The following GSG1L variants were observed in gnomAD, a reference collection of about 807,000 sequenced individuals.
The protein encoded by GSG1L is GSG1 like.
In GSG1L, 24 loss-of-function variants were observed where a neutral mutation model predicts 42.1. That is an observed-to-expected ratio of 0.57 (90% CI 0.41 to 0.80). The LOEUF (loss-of-function observed/expected upper bound fraction) is 0.80. Among genes scored for constraint, GSG1L ranks in the 30% least tolerant of loss-of-function variants. The pLI, the probability that GSG1L is intolerant of heterozygous loss-of-function variation, is 0.00. For synonymous variants in GSG1L, 215 were observed against 203.5 expected (o/e 1.06, Z -0.48); for missense variants, 445 against 472.2 (o/e 0.94, Z 0.53).
Position 27,946,549 on chromosome 16 carries a change from A to AAAAGAAAGAAAG in GSG1L, c.397+16595_397+16606dup, listed in dbSNP as rs201856072. Among the ~76,000 whole-genome samples the AAAAGAAAGAAAG allele has an allele frequency of 6.1e-3, 316 of 51,942 alleles. 10 individuals carry two copies. Among genetic ancestry groups the AAAAGAAAGAAAG allele is most frequent in the South Asian group, 0.013 (16 of 1,276 alleles). The allele number at this position is 51,942 out of a possible 152,430, so 34.1% of individuals were successfully genotyped here. ...CACAGAGCAAGACTCTGTCTCAAAA[A>AAAAGAAAGAAAG]AAAGAAAGAAAGAAAGAAAGAAAGA... On this transcript the variant is annotated intron_variant, in intron 2 of 6. Coordinates refer to ENST00000447459, the MANE Select transcript of GSG1L (RefSeq NM_001109763.2).
chr16:28,045,730 G>A (rs758320039), intron 1 of GSG1L, among the ~76,000 whole-genome samples: 2 of 151,444 alleles, frequency 1.3e-5, no homozygotes, highest in Non-Finnish European at 2.9e-5. Context: ...CAAGTACCAG[G>A]CCAATTAAAA....
At chr16:27,947,473 G>C (rs1187857094) in intron 2 of GSG1L, among the ~76,000 whole-genome samples, 2 of 147,014 alleles carry the variant, frequency 1.4e-5, no homozygotes, top group Non-Finnish European at 3.0e-5. Context: ...AGGGAGAAGA[G>C]AAAGAAAGGA....
At chr16:27,935,424 C>T (rs759565272) in intron 2 of GSG1L, among the ~76,000 whole-genome samples, 2 of 152,184 alleles carry the variant, frequency 1.3e-5, no homozygotes, top group African/African-American at 4.8e-5. Context: ...GGGCTCTTGA[C>T]ACCTTGCATT....
At chr16:27,837,545 G>A (rs1274737962) in intron 4 of GSG1L, among the ~76,000 whole-genome samples, 1 of 152,218 alleles carries the variant, frequency 6.6e-6, no homozygotes, top group East Asian at 1.9e-4. Context: ...ACCATGGGGA[G>A]GGAGATGTTC....
chr16:27,959,163 T>C lies in GSG1L; in HGVS notation c.397+3993A>G, dbSNP rs117069763. Among the ~76,000 whole-genome samples the C allele has an allele frequency of 3.8e-4, 57 of 148,416 alleles. No homozygotes were observed. The East Asian group carries it at 6.1e-3, about 16-fold the overall frequency. ...TGGGGTTTCCTAGGTAGCTTCAGGA[T>C]AGGGGTTCACTTGACCAGGTGCAGT... is the stretch of plus-strand genomic sequence containing the variant. On this transcript the variant is annotated intron_variant, in intron 2 of 6. Coordinates refer to ENST00000447459, the MANE Select transcript of GSG1L (RefSeq NM_001109763.2).
At chr16:28,010,181 A>G (rs1368066099) in intron 1 of GSG1L, among the ~76,000 whole-genome samples, 2 of 152,172 alleles carry the variant, frequency 1.3e-5, no homozygotes, top group Non-Finnish European at 2.9e-5. Flanking sequence ...GCACTGTGCA[A>G]TGGAACCTCC....
intron 3 of GSG1L, among the ~76,000 whole-genome samples, chr16:27,848,337 T>C (rs890314475): frequency 3.3e-5 from 5 of 152,108 alleles, no homozygotes; most frequent in African/African-American, 9.7e-5. Context: ...TGAGCAGTGA[T>C]TGAGAGGTGC....
intron 2 of GSG1L, among the ~76,000 whole-genome samples, chr16:27,911,825 G>A (rs539729396): frequency 6.6e-6 from 1 of 152,004 alleles, no homozygotes; most frequent in African/African-American, 2.4e-5. Flanking sequence ...CCTCAGCCCC[G>A]CTTTACTTTT....
intron 2 of GSG1L, among the ~76,000 whole-genome samples, chr16:27,947,589 GAAAGAAAGAAAA>G (rs1174055732): frequency 5.6e-4 from 62 of 111,242 alleles, no homozygotes; most frequent in African/African-American, 1.8e-3. Flanking sequence ...AAGAAAGAAA[GAAAGAAAGAAAA>G]AGAAAGAAAG....
chr16:27,922,221 C>T (rs4788007), intron 2 of GSG1L, among the ~76,000 whole-genome samples: 55,108 of 151,624 alleles, frequency 0.36, 10,159 homozygotes, highest in East Asian at 0.44. Flanking sequence ...GCCTCAAGAA[C>T]GTCAAAACTG....
chr16:28,042,604 T>C (rs575703485), intron 1 of GSG1L, among the ~76,000 whole-genome samples: 1 of 152,106 alleles, frequency 6.6e-6, no homozygotes, highest in Non-Finnish European at 1.5e-5. Context: ...ACTCTATTTA[T>C]GAGCAAAGGG....
At chr16:28,007,721 G>C (rs908070956) in intron 1 of GSG1L, among the ~76,000 whole-genome samples, 5 of 151,958 alleles carry the variant, frequency 3.3e-5, no homozygotes, top group Non-Finnish European at 5.9e-5. Flanking sequence ...CTCCTATGTT[G>C]CCCAGGCTGG....
chr16:27,932,087 C>A (rs559624604), intron 2 of GSG1L, among the ~76,000 whole-genome samples: 30 of 152,156 alleles, frequency 2.0e-4, no homozygotes, highest in Admixed American at 1.2e-3. Flanking sequence ...GAGTCTTGTT[C>A]TGTCACCCAG....
chr16:27,938,708 TAAG>T (rs1447340158), intron 2 of GSG1L, among the ~76,000 whole-genome samples: 1 of 151,674 alleles, frequency 6.6e-6, no homozygotes, highest in South Asian at 2.1e-4. Flanking sequence ...AGGACAAGAG[TAAG>T]AAGGTGAGGA....
intron 2 of GSG1L, among the ~76,000 whole-genome samples, chr16:27,944,355 C>T (rs1208653944): frequency 6.6e-6 from 1 of 152,158 alleles, no homozygotes; most frequent in Non-Finnish European, 1.5e-5. Flanking sequence ...GGTGTGGTGG[C>T]TTACTCCTGT....
intron 1 of GSG1L, among the ~76,000 whole-genome samples, chr16:28,025,487 T>G (rs2085890165): frequency 6.6e-6 from 1 of 152,208 alleles, no homozygotes; most frequent in Admixed American, 6.5e-5. Flanking sequence ...TGCTCACTGC[T>G]GGATCAATTT....
intron 3 of GSG1L, among the ~76,000 whole-genome samples, chr16:27,865,971 G>A (rs1357748912): frequency 1.3e-5 from 2 of 152,026 alleles, no homozygotes; most frequent in African/African-American, 4.8e-5. Flanking sequence ...AAAGTGCTGG[G>A]ATTACAGTTG....
chr16:28,001,674 G>A (rs2085579388), intron 1 of GSG1L, among the ~76,000 whole-genome samples: 1 of 152,168 alleles, frequency 6.6e-6, no homozygotes, highest in African/African-American at 2.4e-5. Context: ...GTCCCTTACT[G>A]AAGGGCTGTA....
intron 5 of GSG1L, among the ~76,000 whole-genome samples, chr16:27,811,113 G>A (rs555352921): frequency 6.6e-6 from 1 of 152,170 alleles, no homozygotes; most frequent in Admixed American, 6.5e-5. Flanking sequence ...ACATCTCCAT[G>A]TAATGGGATC....
Sources: gnomAD v4.1 joint callset for allele counts (sites outside exome capture counted in the v4.1 genomes callset) on GRCh38, gnomAD v4.1.1 for gene constraint, MANE v1.5 for transcripts, NCBI Gene and HGNC (gene_info 2026-07-23, HGNC 2026-07-21) for gene names.